Variants in PCDHGB7 observed in about 807,000 individuals in gnomAD.
PCDHGB7 encodes protocadherin gamma-B7.
A neutral mutation model predicts 61.4 loss-of-function variants in PCDHGB7; 37 were observed. The ratio of observed to expected loss-of-function variants is 0.60; its 90% CI spans 0.46 to 0.79. The LOEUF (loss-of-function observed/expected upper bound fraction) is 0.79, where lower values mean the gene tolerates loss of function less well. PCDHGB7 is among the 30% of genes least tolerant of loss of function. PCDHGB7 has a pLI of 0.00. For synonymous variants in PCDHGB7, 464 were observed against 503.5 expected (o/e 0.92, Z 1.05); for missense variants, 1,166 against 1,202.5 (o/e 0.97, Z 0.45).
At chr5:141,458,028 G>A (rs1363025110) in intron 1 of PCDHGB7, among the ~76,000 whole-genome samples, 2 of 152,122 alleles carry the variant, frequency 1.3e-5, no homozygotes, top group African/African-American at 4.8e-5. Flanking sequence ...ATTGTGTTCT[G>A]TTGACAAAGA....
chr5:141,489,086 G>A lies in PCDHGB7; in HGVS notation c.2416-5721G>A, dbSNP rs2233599. ...CCCCCCTGCCCACCCCCGCCACTCG[G>A]TGACTAAGAACTGCTGCAAGCAGGC... On this transcript the variant is annotated intron_variant, in intron 1 of 3. Coordinates refer to ENST00000398594, the MANE Select transcript of PCDHGB7 (RefSeq NM_018927.4). The surrounding 1 kb of genome is among the most constrained non-coding windows in gnomAD (Gnocchi z 4.5). 2.2e-3 allele frequency: 754 copies of A among 340,206 alleles called. 5 individuals carry two copies. Among genetic ancestry groups the A allele is most frequent in the African/African-American group, 0.018 (712 of 39,726 alleles). 21.1% of individuals were successfully genotyped at this position (340,206 alleles called of 1,614,324 possible).
chr5:141,455,492 T>G (rs958076901), intron 1 of PCDHGB7, among the ~76,000 whole-genome samples: 10 of 152,188 alleles, frequency 6.6e-5, no homozygotes, highest in Non-Finnish European at 1.2e-4. Context: ...GGAGGTGATG[T>G]CTGATTTGCA....
intron 1 of PCDHGB7, among the ~76,000 whole-genome samples, chr5:141,480,700 C>A (rs1327284592): frequency 1.3e-5 from 2 of 152,192 alleles, no homozygotes; most frequent in Admixed American, 6.5e-5. Flanking sequence ...CCAGGCCACA[C>A]CCCGACAAAT....
chr5:141,483,660 G>GTCTGTA (rs2099584988), intron 1 of PCDHGB7, among the ~76,000 whole-genome samples: 1 of 152,094 alleles, frequency 6.6e-6, no homozygotes, highest in Non-Finnish European at 1.5e-5. Context: ...GTGTGTGTGT[G>GTCTGTA]TGTGTGTGTA....
At chr5:141,498,231 A>T (rs1213697084) in intron 2 of PCDHGB7, among the ~76,000 whole-genome samples, 1 of 152,268 alleles carries the variant, frequency 6.6e-6, no homozygotes, top group East Asian at 1.9e-4. Flanking sequence ...ATGGTCAGGC[A>T]TACCAGCTTC....
chr5:141,456,139 C>T (rs999574407), intron 1 of PCDHGB7, among the ~76,000 whole-genome samples: 20 of 152,010 alleles, frequency 1.3e-4, no homozygotes, highest in Admixed American at 9.8e-4. Context: ...CCTCCTGATC[C>T]GCCCGCCTCG....
At position 141,491,462 on chromosome 5, in the gene PCDHGB7, T is replaced by C; in HGVS notation, c.2416-3345T>C. 1.2e-6 allele frequency: 2 copies of C among 1,614,004 alleles called. No individual in the cohort carries two copies. The highest frequency in any genetic ancestry group is 1.7e-6 in the Non-Finnish European group (2 of 1,179,978). ...CGCCAGGACTCACCCTCCCCGGACT[T>C]CTATAAGCAGTCCAGCCCCAACCTG... On this transcript the variant is annotated intron_variant, in intron 1 of 3. Coordinates refer to ENST00000398594, the MANE Select transcript of PCDHGB7 (RefSeq NM_018927.4). This position sits in a 1 kb window ranked among gnomAD's most constrained non-coding sequence, Gnocchi z 6.9.
At chr5:141,468,668 C>T (rs993230755) in intron 1 of PCDHGB7, 1 of 149,910 alleles carries the variant, frequency 6.7e-6, no homozygotes, top group Admixed American at 6.7e-5. Context: ...AGATCAAGAC[C>T]ATCCTGGCTA....
intron 2 of PCDHGB7, among the ~76,000 whole-genome samples, chr5:141,502,194 T>C (rs1470985683): frequency 2.6e-5 from 4 of 152,212 alleles, no homozygotes; most frequent in Non-Finnish European, 4.4e-5. Flanking sequence ...TACAATAATA[T>C]AGAATCCACC....
At chr5:141,446,502 A>G (rs1178198384) in intron 1 of PCDHGB7, among the ~76,000 whole-genome samples, 5 of 150,732 alleles carry the variant, frequency 3.3e-5, no homozygotes, top group Non-Finnish European at 7.4e-5. Context: ...TTTGAGATGG[A>G]GTCTCGCTCT....
chr5:141,504,135 C>T (rs758903340), intron 2 of PCDHGB7, among the ~76,000 whole-genome samples: 1 of 152,188 alleles, frequency 6.6e-6, no homozygotes, highest in Non-Finnish European at 1.5e-5. Context: ...CCCGCCAACA[C>T]TCCCCTGCAA....
At chr5:141,499,726 ACT>A (rs1368224475) in intron 2 of PCDHGB7, among the ~76,000 whole-genome samples, 1 of 128,608 alleles carries the variant, frequency 7.8e-6, no homozygotes, top group African/African-American at 3.0e-5. Flanking sequence ...ACAGAGTCTC[ACT>A]CTCTTGCCCA....
At chr5:141,423,163 G>A (rs758720418) in intron 1 of PCDHGB7, 2 of 1,613,480 alleles carry the variant, frequency 1.2e-6, no homozygotes, top group South Asian at 2.2e-5. Context: ...CCTCGTGGTG[G>A]CCGTCCAGGA....
intron 2 of PCDHGB7, among the ~76,000 whole-genome samples, chr5:141,502,239 A>G (rs2099813426): frequency 6.6e-6 from 1 of 152,148 alleles, no homozygotes; most frequent in Admixed American, 6.5e-5. Flanking sequence ...GTGTTCTTTT[A>G]TCCTTTTTTT....
chr5:141,422,382 T>C (rs1390444026), intron 1 of PCDHGB7: 5 of 1,585,154 alleles, frequency 3.2e-6, no homozygotes, highest in Admixed American at 1.8e-5. Context: ...AAGTCTCCTG[T>C]TTTATTCCTA....
At chr5:141,500,223 T>TATTG (rs1554186512) in intron 2 of PCDHGB7, among the ~76,000 whole-genome samples, 5 of 145,410 alleles carry the variant, frequency 3.4e-5, no homozygotes, top group African/African-American at 5.2e-5. Context: ...TTTATTTATT[T>TATTG]ATTGATACGT....
chr5:141,497,187 G>T (rs1475463841), intron 2 of PCDHGB7, among the ~76,000 whole-genome samples: 2 of 139,586 alleles, frequency 1.4e-5, no homozygotes, highest in Non-Finnish European at 3.0e-5. Flanking sequence ...GTTCTGAGAG[G>T]CAGAGAACAA....
At chr5:141,435,994 G>T (rs1007093302) in intron 1 of PCDHGB7, among the ~76,000 whole-genome samples, 18 of 152,046 alleles carry the variant, frequency 1.2e-4, no homozygotes, top group Admixed American at 1.2e-3. Context: ...GTGATTTTTT[G>T]AAAGAAAGTA....
In PCDHGB7 at chr5:141,419,012, A is replaced by C. The variant is rs1422133011; in HGVS notation, c.1153A>C (p.Ser385Arg). 1 of 1,613,986 alleles carries C rather than the reference A, an allele frequency of 6.2e-7. No homozygotes were observed. Residue 385 changes from serine (S) to arginine (R), a missense_variant, in exon 1 of 4, where the codon AGC (serine) becomes CGC (arginine). Ser to Arg is a moderately radical substitution (Grantham distance 110). Coordinates refer to ENST00000398594, the MANE Select transcript of PCDHGB7 (RefSeq NM_018927.4). ...DSGENGEVRC[S>R]LSRGVPFKIH... The stretch of plus-strand genomic sequence containing the variant: ...AGGGGAAAATGGGGAAGTCAGGTGT[A>C]GCTTAAGTAGAGGTGTTCCATTTAA...
Sources: allele counts gnomAD v4.1 joint callset (sites outside exome capture counted in the v4.1 genomes callset), GRCh38; gene constraint gnomAD v4.1.1; non-coding constraint Gnocchi (gnomAD v3.1); transcripts MANE v1.5; gene names NCBI Gene and HGNC (gene_info 2026-07-23, HGNC 2026-07-21).